AAK1: variants seen among roughly 807,000 people sequenced by gnomAD.
AAK1 encodes the protein AP2 associated kinase 1, also known as AP2-associated protein kinase 1.
Under a neutral mutation model 116.0 loss-of-function variants are expected in AAK1, and 37 were observed. The observed-to-expected ratio is 0.32, with a 90% confidence interval of 0.25 to 0.42. The LOEUF is 0.42. Ranked by LOEUF, AAK1 falls within the 10% of genes least tolerant of loss-of-function variation. AAK1 has a pLI of 1.00. For missense variants in AAK1, 919 were observed against 1,170.6 expected (o/e 0.79, Z 3.14); for synonymous variants, 458 against 439.9 (o/e 1.04, Z -0.51).
intron 2 of AAK1, among the ~76,000 whole-genome samples, chr2:69,639,191 G>A (rs1042637234): frequency 6.6e-6 from 1 of 152,164 alleles, no homozygotes; most frequent in Non-Finnish European, 1.5e-5. Context: ...GTTCCAGAAT[G>A]TTGTCTTCAA....
intron 4 of AAK1, 29 bp downstream of exon 4, chr2:69,544,407 C>T: frequency 6.5e-7 from 1 of 1,531,032 alleles, no homozygotes; most frequent in Non-Finnish European, 9.0e-7. Flanking sequence ...AGAGAAATGA[C>T]AGCTTAAGGG....
intron 2 of AAK1, among the ~76,000 whole-genome samples, chr2:69,612,696 C>CA (rs1415272461): frequency 6.6e-6 from 1 of 152,148 alleles, no homozygotes; most frequent in Non-Finnish European, 1.5e-5. Flanking sequence ...AAGGAAGTCT[C>CA]AGTGTTGTCT....
intron 8 of AAK1, 45 bp downstream of exon 8, chr2:69,529,963 G>T (rs1175771952): frequency 1.4e-6 from 2 of 1,435,694 alleles, no homozygotes; most frequent in East Asian, 5.1e-5. Flanking sequence ...TTCATTCTTT[G>T]TGATTAGAAA....
chr2:69,507,482 A>G lies in AAK1; in HGVS notation c.2103T>C (p.Asp701=), dbSNP rs1460095994. The G allele has an allele frequency of 7.4e-6, 12 of 1,613,084 alleles. No individual in the cohort carries two copies. The highest frequency in any genetic ancestry group is 9.3e-6 in the Non-Finnish European group (11 of 1,179,550). The stretch of plus-strand genomic sequence containing the variant: ...CTTCAGCTGTGAGTTTGGAGAAATT[A>G]TCGTCATCAAAGGGATTCCACGTAG... The part of the protein sequence containing the change: ...EGSTWNPFDD[D]NFSKLTAEEL... The change falls in exon 15 of 22, where the codon GAT becomes GAC. Residue 701 remains aspartate (D), a synonymous_variant. Transcript: ENST00000409085.
chr2:69,573,425 C>G (rs117239941), intron 2 of AAK1, among the ~76,000 whole-genome samples: 1 of 152,114 alleles, frequency 6.6e-6, no homozygotes, highest in Non-Finnish European at 1.5e-5. Flanking sequence ...GGAAGGAAGA[C>G]GAGAAGCATT....
At chr2:69,491,493 A>C (rs1386332020) in intron 17 of AAK1, among the ~76,000 whole-genome samples, 1 of 152,220 alleles carries the variant, frequency 6.6e-6, no homozygotes, top group African/African-American at 2.4e-5. Flanking sequence ...AAAACAAACC[A>C]ACGAACCAAC....
chr2:69,499,278 T>G (rs2104942823), intron 16 of AAK1, among the ~76,000 whole-genome samples: 1 of 152,254 alleles, frequency 6.6e-6, no homozygotes, highest in African/African-American at 2.4e-5. Context: ...CTTCCAACAC[T>G]CCTTGGGATC....
At chr2:69,567,656 G>A (rs1671934222) in intron 2 of AAK1, among the ~76,000 whole-genome samples, 1 of 152,112 alleles carries the variant, frequency 6.6e-6, no homozygotes, top group Non-Finnish European at 1.5e-5. Context: ...GACTAGAAGG[G>A]ACATATATTA....
Position 69,643,586 on chromosome 2 carries a change from C to T in AAK1, c.-246G>A. On this transcript the variant is annotated 5_prime_UTR_variant, in exon 1 of 22. Transcript: ENST00000409085. ...CTGGCAGCACCCACTTGAGACGGCTCGGCGGCCGGCGCCCTGCTACCAGCC... is the reference window on the plus strand; with the variant it reads ...CTGGCAGCACCCACTTGAGACGGCTTGGCGGCCGGCGCCCTGCTACCAGCC... 2 of 1,228,612 alleles carry T rather than the reference C, an allele frequency of 1.6e-6. No homozygotes were observed. Among genetic ancestry groups the T allele is most frequent in the Non-Finnish European group, 2.0e-6 (2 of 986,162 alleles). 76.1% of individuals were successfully genotyped at this position (1,228,612 alleles called of 1,614,324 possible). A position where few individuals can be genotyped will look rare whatever the true frequency, so the allele number is the denominator to read the frequency against.
chr2:69,482,829 G>C lies in AAK1; in HGVS notation c.2366-17C>G, dbSNP rs1222260694. On this transcript the variant is annotated splice_polypyrimidine_tract_variant and intron_variant, in intron 17 of 21. Transcript: ENST00000409085. The stretch of plus-strand genomic sequence containing the variant: ...TTAGTTTTTCTACGTTGGGCAGAGA[G>C]ACAAAAAGAAAGCAAAAATGTAGTA... 2.6e-6 allele frequency: 4 copies of C among 1,553,498 alleles called. No homozygotes were observed. Among genetic ancestry groups the C allele is most frequent in the Admixed American group, 1.7e-5 (1 of 58,992 alleles).
intron 2 of AAK1, among the ~76,000 whole-genome samples, chr2:69,606,989 C>T (rs1473403792): frequency 1.3e-5 from 2 of 148,510 alleles, no homozygotes; most frequent in African/African-American, 2.5e-5. Flanking sequence ...TGGCTTGAGC[C>T]CAAGAGGCAG....
At chr2:69,562,972 G>A (rs1472833381) in intron 2 of AAK1, among the ~76,000 whole-genome samples, 1 of 152,142 alleles carries the variant, frequency 6.6e-6, no homozygotes, top group African/African-American at 2.4e-5. Flanking sequence ...GCTGAAGCAG[G>A]AGGATTGCTT....
chr2:69,629,826 A>G (rs1675083680), intron 2 of AAK1, among the ~76,000 whole-genome samples: 1 of 152,256 alleles, frequency 6.6e-6, no homozygotes, highest in Non-Finnish European at 1.5e-5. Context: ...CTAACACTAG[A>G]AAGTAGATAC....
chr2:69,584,435 T>C (rs1672678933), intron 2 of AAK1, among the ~76,000 whole-genome samples: 1 of 152,054 alleles, frequency 6.6e-6, no homozygotes, highest in South Asian at 2.1e-4. Context: ...GGGGTAAGAG[T>C]ATAAGAAAGT....
Position 69,474,474 on chromosome 2 carries a change from TG to T in AAK1, c.*1394del. On this transcript the variant is annotated 3_prime_UTR_variant, in exon 22 of 22. Coordinates refer to ENST00000409085, the MANE Select transcript of AAK1 (RefSeq NM_014911.5). Reference sequence around the variant, plus strand: ...ACCATGAGGCATGTTGTCATGTTAGTGCAGGGGCCTTTATTTATTTTATGAA... The same window carrying T: ...ACCATGAGGCATGTTGTCATGTTAGTCAGGGGCCTTTATTTATTTTATGAA... The T allele has an allele frequency of 2.0e-6, 2 of 985,490 alleles. No individual in the cohort carries two copies. Among genetic ancestry groups the T allele is most frequent in the Non-Finnish European group, 2.4e-6 (2 of 829,828 alleles). 61.0% of individuals were successfully genotyped at this position (985,490 alleles called of 1,614,324 possible).
In AAK1 at chr2:69,576,332, T is replaced by G. The variant is rs190274662; in HGVS notation, c.164-19354A>C. On this transcript the variant is annotated intron_variant, in intron 2 of 21. Transcript: ENST00000409085. The stretch of plus-strand genomic sequence containing the variant: ...TATATGTTAACAATTATGCTTGAGG[T>G]TTTTTTTTTCTAACTTTTATTTTAG... Among the ~76,000 whole-genome samples, 6 of 142,496 alleles carry G rather than the reference T, an allele frequency of 4.2e-5. No homozygotes were observed. The South Asian group carries it at 6.6e-4, about 16-fold the overall frequency. 93.5% of individuals were successfully genotyped at this position (142,496 alleles called of 152,430 possible). A position where few individuals can be genotyped will look rare whatever the true frequency, so the allele number is the denominator to read the frequency against.
chr2:69,620,252 A>C (rs1674539506), intron 2 of AAK1, among the ~76,000 whole-genome samples: 1 of 152,162 alleles, frequency 6.6e-6, no homozygotes, highest in Admixed American at 6.5e-5. Flanking sequence ...TATCTAAAAG[A>C]ATGGAATTGC....
chr2:69,589,233 C>A (rs1415315826), intron 2 of AAK1, among the ~76,000 whole-genome samples: 2 of 152,150 alleles, frequency 1.3e-5, no homozygotes, highest in African/African-American at 4.8e-5. Context: ...ATAAACTGAA[C>A]AGAGTTCCAG....
At chr2:69,523,647 G>A (rs17036717) in intron 10 of AAK1, among the ~76,000 whole-genome samples, 3,152 of 152,314 alleles carry the variant, frequency 0.021, 99 homozygotes, top group African/African-American at 0.072. Flanking sequence ...CCATGCGAAA[G>A]TGCTTTGTAG....
Sources: allele counts gnomAD v4.1 joint callset (sites outside exome capture counted in the v4.1 genomes callset), GRCh38; gene constraint gnomAD v4.1.1; transcripts MANE v1.5; gene names NCBI Gene and HGNC (gene_info 2026-07-23, HGNC 2026-07-21).